ARHGAP15: variants seen among roughly 807,000 people sequenced by gnomAD.
The protein encoded by ARHGAP15 is rho GTPase-activating protein 15.
In ARHGAP15, 51 loss-of-function variants were observed where a neutral mutation model predicts 63.7. That is an observed-to-expected ratio of 0.80 (90% confidence interval 0.64 to 1.01). The LOEUF (loss-of-function observed/expected upper bound fraction) is 1.01, where lower values mean the gene tolerates loss of function less well. Among genes scored for constraint, ARHGAP15 ranks in the 50% least tolerant of loss-of-function variants. ARHGAP15 has a pLI of 0.00. For missense variants in ARHGAP15, 560 were observed against 564.6 expected (o/e 0.99, Z 0.08); for synonymous variants, 191 against 193.8 (o/e 0.99, Z 0.12).
chr2:143,597,336 G>A (rs1326744876), intron 11 of ARHGAP15, among the ~76,000 whole-genome samples: 1 of 152,092 alleles, frequency 6.6e-6, no homozygotes, highest in Non-Finnish European at 1.5e-5. Flanking sequence ...TGCATAATAT[G>A]TATATATTTA....
At chr2:143,186,612 A>G (rs1691457527) in intron 2 of ARHGAP15, among the ~76,000 whole-genome samples, 1 of 152,138 alleles carries the variant, frequency 6.6e-6, no homozygotes, top group African/African-American at 2.4e-5. Context: ...ACTTGGTCCT[A>G]TATTTTATCA....
intron 2 of ARHGAP15, among the ~76,000 whole-genome samples, chr2:143,158,411 A>G (rs1690164460): frequency 1.3e-5 from 2 of 151,970 alleles, no homozygotes; most frequent in African/African-American, 2.4e-5. Context: ...TTGCTAAGTT[A>G]GAAATTTTGA....
intron 6 of ARHGAP15, among the ~76,000 whole-genome samples, chr2:143,306,356 T>A (rs1289434853): frequency 6.6e-6 from 1 of 152,122 alleles, no homozygotes; most frequent in Admixed American, 6.6e-5. Flanking sequence ...TGTAGTGTGT[T>A]CAAATCATAA....
chr2:143,148,727 C>A (rs1689691612), intron 1 of ARHGAP15, among the ~76,000 whole-genome samples: 1 of 152,068 alleles, frequency 6.6e-6, no homozygotes. Flanking sequence ...TGGCTATGGT[C>A]ACATTCCTTT....
intron 13 of ARHGAP15, among the ~76,000 whole-genome samples, chr2:143,715,158 G>A (rs1417303334): frequency 1.1e-4 from 17 of 152,168 alleles, no homozygotes; most frequent in Admixed American, 1.0e-3. Context: ...GGAGGTAAAA[G>A]GTACTTCTTA....
At chr2:143,673,758 G>GTGTGTGTGTATATATATATATATA (rs1553520615) in intron 12 of ARHGAP15, among the ~76,000 whole-genome samples, 1 of 22,128 alleles carries the variant, frequency 4.5e-5, no homozygotes. Context: ...GTGTGTGTGT[G>GTGTGTGTGTATATATATATATATA]TATATATATA....
intron 5 of ARHGAP15, among the ~76,000 whole-genome samples, chr2:143,232,362 CTCA>C (rs1693481397): frequency 6.6e-6 from 1 of 152,142 alleles, no homozygotes; most frequent in Admixed American, 6.5e-5. Flanking sequence ...CTCTCTTTTG[CTCA>C]TCAAGACAGG....
At chr2:143,257,126 C>G (rs901882617) in intron 6 of ARHGAP15, among the ~76,000 whole-genome samples, 7 of 152,026 alleles carry the variant, frequency 4.6e-5, no homozygotes, top group African/African-American at 1.4e-4. Flanking sequence ...TTTATGTTGC[C>G]TGGGTGATCC....
chr2:143,471,263 T>A lies in ARHGAP15; in HGVS notation c.704-16110T>A, dbSNP rs190988628. ...ATGTGTATATATACACACATATATA[T>A]ATACACATAGAGAGCATGCATTTAT... On this transcript the variant is annotated intron_variant, in intron 8 of 13. Transcript: ENST00000295095. 6.9e-3 allele frequency among the ~76,000 whole-genome samples: 1,040 copies of A among 150,304 alleles called. 36 individuals are homozygous for A. In the East Asian group the frequency reaches 0.071, roughly 10 times the overall value.
intron 6 of ARHGAP15, among the ~76,000 whole-genome samples, chr2:143,367,179 G>A (rs142385715): frequency 5.5e-4 from 84 of 152,100 alleles, no homozygotes; most frequent in African/African-American, 2.0e-3. Context: ...ATGTATGTCT[G>A]TGTTTGCTTC....
chr2:143,523,742 A>T (rs1694151483), intron 10 of ARHGAP15, among the ~76,000 whole-genome samples: 2 of 152,164 alleles, frequency 1.3e-5, no homozygotes, highest in South Asian at 2.1e-4. Context: ...GTCTTAACTC[A>T]TACTTCCTTC....
intron 6 of ARHGAP15, among the ~76,000 whole-genome samples, chr2:143,328,179 G>C (rs904582496): frequency 1.3e-5 from 2 of 152,198 alleles, no homozygotes; most frequent in African/African-American, 4.8e-5. Flanking sequence ...GTGGAAGACA[G>C]TGTGAAGATT....
intron 6 of ARHGAP15, among the ~76,000 whole-genome samples, chr2:143,334,073 A>G (rs1172741872): frequency 6.6e-6 from 1 of 152,194 alleles, no homozygotes; most frequent in African/African-American, 2.4e-5. Flanking sequence ...AGATACTTCC[A>G]TCTTACACTA....
intron 6 of ARHGAP15, among the ~76,000 whole-genome samples, chr2:143,320,803 C>T (rs1683982996): frequency 6.6e-6 from 1 of 152,006 alleles, no homozygotes; most frequent in Non-Finnish European, 1.5e-5. Flanking sequence ...CTAAAGTGAA[C>T]AGGATGAGGT....
At chr2:143,622,513 G>T (rs904376063) in intron 11 of ARHGAP15, among the ~76,000 whole-genome samples, 1 of 152,044 alleles carries the variant, frequency 6.6e-6, no homozygotes, top group African/African-American at 2.4e-5. Context: ...GATGCTGTCG[G>T]CCTATTTCAA....
At chr2:143,724,773 A>G (rs190963091) in intron 13 of ARHGAP15, among the ~76,000 whole-genome samples, 6 of 152,384 alleles carry the variant, frequency 3.9e-5, no homozygotes, top group Non-Finnish European at 5.9e-5. Flanking sequence ...CAAGCATAGT[A>G]AGAATAACTA....
At chr2:143,500,282 C>T (rs1283727481) in intron 9 of ARHGAP15, among the ~76,000 whole-genome samples, 1 of 150,572 alleles carries the variant, frequency 6.6e-6, no homozygotes. Context: ...ATATGAAGAA[C>T]TTTATATAGC....
chr2:143,143,181 G>A lies in ARHGAP15; in HGVS notation c.-14-12296G>A, dbSNP rs868067578. ...GGAACTATACTTTGAGGAAGAAAAA[G>A]CAAACTAAACTTGTTTAAGTGGAGT... On this transcript the variant is annotated intron_variant, in intron 1 of 13. Transcript: ENST00000295095. Among the ~76,000 whole-genome samples the A allele has an allele frequency of 1.2e-4, 18 of 152,074 alleles. 1 individual carries two copies. The Middle Eastern group carries it at 0.027, about 230-fold the overall frequency.
intron 6 of ARHGAP15, among the ~76,000 whole-genome samples, chr2:143,383,726 C>A (rs1244910867): frequency 6.6e-6 from 1 of 152,108 alleles, no homozygotes; most frequent in East Asian, 1.9e-4. Flanking sequence ...AATTATGTGC[C>A]TAAAGTATTT....
Sources: allele counts gnomAD v4.1 joint callset (sites outside exome capture counted in the v4.1 genomes callset), GRCh38; gene constraint gnomAD v4.1.1; transcripts MANE v1.5; gene names NCBI Gene and HGNC (gene_info 2026-07-23, HGNC 2026-07-21).